The following CCSER1 variants were observed in gnomAD, a reference collection of about 807,000 sequenced individuals.
CCSER1 encodes coiled-coil serine rich protein 1.
In CCSER1, 41 loss-of-function variants were observed where a neutral mutation model predicts 82.0. That is an observed-to-expected ratio of 0.50 (90% CI 0.39 to 0.65). The LOEUF is 0.65. CCSER1 is among the 30% of genes least tolerant of loss of function. The pLI is 0.00. For synonymous variants in CCSER1, 414 were observed against 383.9 expected, an observed-to-expected ratio of 1.08 and a Z score of -0.92; for missense variants, 1,119 against 1,064.2, an observed-to-expected ratio of 1.05 and a Z score of -0.72.
At chr4:90,271,166 G>T (rs1434782722) in intron 1 of CCSER1, among the ~76,000 whole-genome samples, 1 of 151,976 alleles carries the variant, frequency 6.6e-6, no homozygotes, top group Non-Finnish European at 1.5e-5. Flanking sequence ...GCCACAAAAG[G>T]CTCTGAATAG....
intron 9 of CCSER1, among the ~76,000 whole-genome samples, chr4:90,995,954 A>C (rs552237543): frequency 6.6e-6 from 1 of 152,180 alleles, no homozygotes; most frequent in Admixed American, 6.6e-5. Context: ...TCTGTGTATA[A>C]TTTTCAATTT....
At chr4:91,397,540 T>C (rs1178190265) in intron 10 of CCSER1, among the ~76,000 whole-genome samples, 1 of 152,062 alleles carries the variant, frequency 6.6e-6, no homozygotes, top group East Asian at 1.9e-4. Context: ...AATTATATAC[T>C]TATTTGTCTA....
At chr4:91,404,970 G>C (rs1469466564) in intron 10 of CCSER1, among the ~76,000 whole-genome samples, 1 of 152,140 alleles carries the variant, frequency 6.6e-6, no homozygotes, top group African/African-American at 2.4e-5. Flanking sequence ...CTGTCTTGTT[G>C]ATCTGTCTAA....
At chr4:90,491,182 G>A (rs574345542) in intron 5 of CCSER1, among the ~76,000 whole-genome samples, 19 of 151,206 alleles carry the variant, frequency 1.3e-4, no homozygotes, top group African/African-American at 3.6e-4. Context: ...TTTTTGTGTC[G>A]TCTTGTTTCC....
rs202199367 is a variant in CCSER1, at chr4:90,656,599, T to C, written c.1932+28367T>C. Reference sequence around the variant, plus strand: ...TGGCTTTTATGGTAAAATTCAGATTTAAAAATCCTTTTTATCTTTTAATTG... The same window carrying C: ...TGGCTTTTATGGTAAAATTCAGATTCAAAAATCCTTTTTATCTTTTAATTG... On this transcript the variant is annotated intron_variant, in intron 6 of 10. Transcript: ENST00000509176. Among the ~76,000 whole-genome samples, 3 of 152,044 alleles carry C rather than the reference T, an allele frequency of 2.0e-5. No individual in the cohort carries two copies. In the East Asian group the frequency reaches 5.8e-4, roughly 29 times the overall value.
intron 10 of CCSER1, among the ~76,000 whole-genome samples, chr4:91,307,346 AC>A (rs1314442145): frequency 2.7e-5 from 3 of 110,978 alleles, no homozygotes; most frequent in East Asian, 2.7e-4. Flanking sequence ...CCTTTCAAGA[AC>A]TTTTTCTATG....
chr4:90,514,572 A>G (rs1482849448), intron 5 of CCSER1, among the ~76,000 whole-genome samples: 2 of 152,046 alleles, frequency 1.3e-5, no homozygotes, highest in Non-Finnish European at 2.9e-5. Flanking sequence ...CCTGGCCAAC[A>G]TAGTGAAACC....
chr4:90,831,017 T>G (rs1427970525), intron 8 of CCSER1, among the ~76,000 whole-genome samples: 1 of 152,062 alleles, frequency 6.6e-6, no homozygotes, highest in African/African-American at 2.4e-5. Context: ...GGGCATTATG[T>G]TGGTTTTACT....
intron 6 of CCSER1, among the ~76,000 whole-genome samples, chr4:90,652,187 G>C (rs1728879929): frequency 6.6e-6 from 1 of 152,044 alleles, no homozygotes; most frequent in Non-Finnish European, 1.5e-5. Flanking sequence ...AATTGTAGGT[G>C]TATAAACAAA....
intron 10 of CCSER1, among the ~76,000 whole-genome samples, chr4:91,110,805 G>A (rs1476100129): frequency 6.6e-6 from 1 of 151,824 alleles, no homozygotes; most frequent in Non-Finnish European, 1.5e-5. Context: ...TACAGCAAAT[G>A]ATACTGGTTT....
At chr4:90,810,653 A>ACAACAACAACAG (rs1269239260) in intron 7 of CCSER1, among the ~76,000 whole-genome samples, 182 of 133,652 alleles carry the variant, frequency 1.4e-3, no homozygotes, top group African/African-American at 5.2e-3. Context: ...CTCAACAACA[A>ACAACAACAACAG]CAACAACAAC....
chr4:90,617,521 A>C (rs1721514403), intron 5 of CCSER1, among the ~76,000 whole-genome samples: 1 of 152,176 alleles, frequency 6.6e-6, no homozygotes, highest in Non-Finnish European at 1.5e-5. Context: ...GTCAAAGAAA[A>C]ATATATTGAA....
chr4:91,471,249 T>A (rs1372307601), intron 10 of CCSER1, among the ~76,000 whole-genome samples: 1 of 152,168 alleles, frequency 6.6e-6, no homozygotes, highest in Non-Finnish European at 1.5e-5. Flanking sequence ...ATCATTGAAT[T>A]TGAAGGATAA....
intron 10 of CCSER1, among the ~76,000 whole-genome samples, chr4:91,152,338 T>C (rs533281259): frequency 3.9e-5 from 6 of 152,336 alleles, no homozygotes; most frequent in African/African-American, 9.6e-5. Context: ...CAGATCTTCC[T>C]CCATCCCCTT....
rs1180520548 is a variant in CCSER1 at position 90,137,940 on chromosome 4, A to T, written c.-42+10109A>T. 3.3e-5 allele frequency among the ~76,000 whole-genome samples: 5 copies of T among 152,348 alleles called. No individual in the cohort carries two copies. The East Asian group carries it at 9.6e-4, about 29-fold the overall frequency. On this transcript the variant is annotated intron_variant, in intron 1 of 10. Coordinates refer to ENST00000509176, the MANE Select transcript of CCSER1 (RefSeq NM_001145065.2). ...TCATGGAAGCCCATCTCAATTCCACATAAGAAGCATATTCTGAGTTCCAGT... is the reference window on the plus strand; with the variant it reads ...TCATGGAAGCCCATCTCAATTCCACTTAAGAAGCATATTCTGAGTTCCAGT...
At chr4:91,242,995 A>C (rs2149132502) in intron 10 of CCSER1, among the ~76,000 whole-genome samples, 1 of 152,326 alleles carries the variant, frequency 6.6e-6, no homozygotes, top group South Asian at 2.1e-4. Context: ...ATATGGCTAA[A>C]AGAGGCAGTG....
At chr4:90,578,055 T>A (rs1484793715) in intron 5 of CCSER1, among the ~76,000 whole-genome samples, 2 of 152,194 alleles carry the variant, frequency 1.3e-5, no homozygotes, top group Non-Finnish European at 2.9e-5. Flanking sequence ...AGACTCGTGC[T>A]GCTATTTACA....
At chr4:91,256,450 C>A (rs2149158085) in intron 10 of CCSER1, among the ~76,000 whole-genome samples, 1 of 152,186 alleles carries the variant, frequency 6.6e-6, no homozygotes, top group East Asian at 1.9e-4. Flanking sequence ...TCTCTGTGAC[C>A]CACACCCTAT....
intron 10 of CCSER1, among the ~76,000 whole-genome samples, chr4:91,466,190 T>A (rs1418366424): frequency 4.6e-5 from 7 of 152,258 alleles, no homozygotes; most frequent in African/African-American, 1.2e-4. Context: ...GATGCAAGGC[T>A]GGTTCAACAT....
Sources: gnomAD v4.1 joint callset for allele counts (sites outside exome capture counted in the v4.1 genomes callset) on GRCh38, gnomAD v4.1.1 for gene constraint, MANE v1.5 for transcripts, NCBI Gene and HGNC (gene_info 2026-07-23, HGNC 2026-07-21) for gene names.